Variants in KATNBL1 observed in about 807,000 individuals in gnomAD.
KATNBL1 encodes katanin regulatory subunit B1 like 1, also known as KATNB1-like protein 1.
Under a neutral mutation model 44.7 loss-of-function variants are expected in KATNBL1, and 28 were observed. The observed-to-expected ratio is 0.63, with a 90% CI of 0.46 to 0.86. The LOEUF (loss-of-function observed/expected upper bound fraction) is 0.86. Ranked by LOEUF, KATNBL1 falls within the 40% of genes least tolerant of loss-of-function variation. KATNBL1 has a pLI of 0.00. For synonymous variants in KATNBL1, 78 were observed against 114.9 expected, an observed-to-expected ratio of 0.68 and a Z score of 2.06; for missense variants, 272 against 350.7, an observed-to-expected ratio of 0.78 and a Z score of 1.79.
intron 1 of KATNBL1, among the ~76,000 whole-genome samples, chr15:34,167,608 A>C (rs1889020198): frequency 6.6e-6 from 1 of 152,150 alleles, no homozygotes; most frequent in African/African-American, 2.4e-5. Flanking sequence ...CCACAAAGAT[A>C]CTCCTCAAGA....
chr15:34,153,268 A>C (rs1297330890), intron 3 of KATNBL1, among the ~76,000 whole-genome samples, 199 bp from the exon 4 acceptor site: 1 of 152,238 alleles, frequency 6.6e-6, no homozygotes, highest in Non-Finnish European at 1.5e-5. Flanking sequence ...GACAATGTAA[A>C]GGATGACATT....
intron 1 of KATNBL1, among the ~76,000 whole-genome samples, chr15:34,165,689 G>C (rs1175601804): frequency 6.6e-6 from 1 of 152,150 alleles, no homozygotes; most frequent in Non-Finnish European, 1.5e-5. Flanking sequence ...CAGCTACCTG[G>C]GAGGTGAGGC....
At chr15:34,208,753 A>C (rs978288206) in intron 1 of KATNBL1, 1 of 152,256 alleles carries the variant, frequency 6.6e-6, no homozygotes, top group South Asian at 2.1e-4. Flanking sequence ...ATGGTGTGTG[A>C]ATGAATGTAT....
chr15:34,189,766 C>G (rs976011563), intron 1 of KATNBL1, among the ~76,000 whole-genome samples: 1 of 152,144 alleles, frequency 6.6e-6, no homozygotes, highest in Non-Finnish European at 1.5e-5. Context: ...ATTTTATTAT[C>G]TCTTATTAAT....
At chr15:34,203,334 C>T (rs1890216827) in intron 1 of KATNBL1, among the ~76,000 whole-genome samples, 1 of 152,004 alleles carries the variant, frequency 6.6e-6, no homozygotes, top group Admixed American at 6.6e-5. Flanking sequence ...ATTTCCATTA[C>T]CACCATTCTA....
In KATNBL1 at chr15:34,147,231, C is replaced by T; in HGVS notation, c.667G>A (p.Val223Ile). 1 of 1,611,596 alleles carries T rather than the reference C, an allele frequency of 6.2e-7. No individual in the cohort carries two copies. The highest frequency in any genetic ancestry group is 8.5e-7 in the Non-Finnish European group (1 of 1,178,664). The change falls in exon 7 of 10, where the codon GTA becomes ATA. Residue 223 changes from valine (V) to isoleucine (I), a missense_variant. Around this residue, in one of 3 missense-constraint regions of KATNBL1, gnomAD observed 111 missense variants for 149.3 expected, o/e 0.74. Coordinates refer to ENST00000256544, the MANE Select transcript of KATNBL1 (RefSeq NM_024713.3). ...LGCCVDLLPL[V>I]KSLLKSKFEE... ...AATTTGCTTTTAAGTAGTGACTTTA[C>T]TAGAGGCAACAAGTCAACACAGCAG... is the stretch of plus-strand genomic sequence containing the variant.
At chr15:34,181,628 G>GTCCATATATATA (rs1167836927) in intron 1 of KATNBL1, among the ~76,000 whole-genome samples, 8 of 64,534 alleles carry the variant, frequency 1.2e-4, no homozygotes, top group African/African-American at 3.8e-4. Context: ...ACATATATAT[G>GTCCATATATATA]TCCATATATA....
rs189244656 is a variant in KATNBL1, at chr15:34,193,500, C to T, written c.-15+16451G>A. Among the ~76,000 whole-genome samples the T allele has an allele frequency of 2.3e-3, 345 of 152,172 alleles. 2 individuals are homozygous for T. The highest frequency in any genetic ancestry group is 7.9e-3 in the African/African-American group (330 of 41,530). On this transcript the variant is annotated intron_variant, in intron 1 of 9. Transcript: ENST00000256544. ...AGTGAACAGAGATGGCGCCACTGCA[C>T]TCCAGCCTGGGAAACAGAGCAAGAC...
intron 1 of KATNBL1, 30 bp downstream of exon 1, chr15:34,209,921 G>C (rs889300020): frequency 6.6e-6 from 1 of 151,802 alleles, no homozygotes; most frequent in African/African-American, 2.4e-5. Flanking sequence ...CTGCGGGCGC[G>C]GGGCTCGCAC....
intron 1 of KATNBL1, among the ~76,000 whole-genome samples, chr15:34,197,605 G>A (rs1171514774): frequency 1.3e-5 from 2 of 152,182 alleles, no homozygotes; most frequent in African/African-American, 4.8e-5. Flanking sequence ...AGAATGAAAG[G>A]ATAAGGGTTA....
At chr15:34,170,603 G>T (rs1344829365) in intron 1 of KATNBL1, among the ~76,000 whole-genome samples, 2 of 152,052 alleles carry the variant, frequency 1.3e-5, no homozygotes. Context: ...AGTTCATATG[G>T]AACCAAAAAA....
At chr15:34,189,090 G>C (rs1011109280) in intron 1 of KATNBL1, among the ~76,000 whole-genome samples, 2 of 152,160 alleles carry the variant, frequency 1.3e-5, no homozygotes, top group Non-Finnish European at 2.9e-5. Flanking sequence ...GAGTGCAGTG[G>C]TGTGATCTCG....
At chr15:34,164,373 CTG>C (rs34405717) in intron 1 of KATNBL1, among the ~76,000 whole-genome samples, 84,491 of 151,866 alleles carry the variant, frequency 0.56, 24,429 homozygotes, top group East Asian at 0.7. Flanking sequence ...AAACCTAAAA[CTG>C]TGCAACTAAA....
chr15:34,159,689 T>C (rs1401976819), intron 2 of KATNBL1, among the ~76,000 whole-genome samples: 1 of 152,170 alleles, frequency 6.6e-6, no homozygotes, highest in African/African-American at 2.4e-5. Context: ...TCTTTGTCTG[T>C]GGTGGTGAGC....
rs190135900 is a variant in KATNBL1 at position 34,186,886 on chromosome 15, T to C, written c.-15+23065A>G. ...CAGGGAGGACCTGAAGGAAGGGGGC[T>C]GGGCTGCCAGTCCCAAGGACAAGAA... is the stretch of plus-strand genomic sequence containing the variant. On this transcript the variant is annotated intron_variant, in intron 1 of 9. Coordinates refer to ENST00000256544, the MANE Select transcript of KATNBL1 (RefSeq NM_024713.3). Among the ~76,000 whole-genome samples the C allele has an allele frequency of 9.1e-3, 1,380 of 152,298 alleles. 14 individuals are homozygous for C. The highest frequency in any genetic ancestry group is 0.012 in the Non-Finnish European group (822 of 68,006).
chr15:34,167,238 T>C (rs1412586315), intron 1 of KATNBL1, among the ~76,000 whole-genome samples: 1 of 152,192 alleles, frequency 6.6e-6, no homozygotes, highest in East Asian at 1.9e-4. Context: ...ATAACCAGTG[T>C]AGAGAAGAAC....
At chr15:34,194,656 C>T (rs1035533045) in intron 1 of KATNBL1, among the ~76,000 whole-genome samples, 1 of 151,992 alleles carries the variant, frequency 6.6e-6, no homozygotes, top group Non-Finnish European at 1.5e-5. Context: ...CTCTGCATAA[C>T]CAAAGAATCA....
chr15:34,197,350 C>T (rs1890053977), intron 1 of KATNBL1, among the ~76,000 whole-genome samples: 1 of 152,178 alleles, frequency 6.6e-6, no homozygotes, highest in Non-Finnish European at 1.5e-5. Flanking sequence ...TAGTTATGTA[C>T]CATCTTAGGC....
chr15:34,145,644 G>T, intron 8 of KATNBL1, 153 bp from the exon 9 acceptor site: 1 of 672,934 alleles, frequency 1.5e-6, no homozygotes. Context: ...TGGGAACGTG[G>T]AGAGAAATTA....
Sources: gnomAD v4.1 joint callset for allele counts (sites outside exome capture counted in the v4.1 genomes callset) on GRCh38, gnomAD v4.1.1 for gene constraint, gnomAD v4.1.1 regional missense constraint, MANE v1.5 for transcripts, NCBI Gene and HGNC (gene_info 2026-07-23, HGNC 2026-07-21) for gene names.